ANKRD44: variants seen among roughly 807,000 people sequenced by gnomAD.
The protein encoded by ANKRD44 is ankyrin repeat domain 44.
In ANKRD44, 35 loss-of-function variants were observed where a neutral mutation model predicts 116.0. The ratio of observed to expected loss-of-function variants is 0.30; its 90% CI spans 0.23 to 0.40. The LOEUF (loss-of-function observed/expected upper bound fraction) is 0.40. Among genes scored for constraint, ANKRD44 ranks in the 10% least tolerant of loss-of-function variants. The pLI, the probability that ANKRD44 is intolerant of heterozygous loss-of-function variation, is 1.00. For missense variants in ANKRD44, 1,014 were observed against 1,242.6 expected, an observed-to-expected ratio of 0.82 and a Z score of 2.77; for synonymous variants, 435 against 461.8, an observed-to-expected ratio of 0.94 and a Z score of 0.74.
intron 17 of ANKRD44, among the ~76,000 whole-genome samples, chr2:197,019,073 TG>T (rs2076446149): frequency 6.6e-6 from 1 of 152,210 alleles, no homozygotes; most frequent in Non-Finnish European, 1.5e-5. Flanking sequence ...CTTGTCTCTA[TG>T]TGGAATAGAG....
Position 197,088,738 on chromosome 2 carries a change from G to T in ANKRD44, c.1220C>A (p.Thr407Lys), listed in dbSNP as rs1384342605. 5 of 1,612,248 alleles carry T rather than the reference G, an allele frequency of 3.1e-6. No homozygotes were observed. Among genetic ancestry groups the T allele is most frequent in the African/African-American group, 1.3e-5 (1 of 74,880 alleles). Residue 407 changes from threonine (T) to lysine (K), a missense_variant, in exon 12 of 28, where the codon ACG (threonine) becomes AAG (lysine). Transcript: ENST00000282272. Reference protein sequence around the residue: ...EIDTPDKFGRTCLHAAAAGGN... With the variant: ...EIDTPDKFGRKCLHAAAAGGN... Reference sequence around the variant, plus strand: ...TCCTGCAGCAGCAGCATGAAGGCACGTTCTTCCAAATTTATCTGGGGTGTC... The same window carrying T: ...TCCTGCAGCAGCAGCATGAAGGCACTTTCTTCCAAATTTATCTGGGGTGTC...
chr2:197,140,046 A>AT (rs1399918822), intron 3 of ANKRD44, among the ~76,000 whole-genome samples: 51 of 148,824 alleles, frequency 3.4e-4, no homozygotes, highest in Non-Finnish European at 4.2e-4. Flanking sequence ...TGCCCACCTA[A>AT]TTTTTTTTAT....
chr2:197,244,015 C>T (rs539718687), intron 1 of ANKRD44, among the ~76,000 whole-genome samples: 1 of 152,276 alleles, frequency 6.6e-6, no homozygotes, highest in South Asian at 2.1e-4. Flanking sequence ...CCCAGGAATG[C>T]AAACATAAGA....
At chr2:197,066,188 C>A (rs1446748618) in intron 16 of ANKRD44, among the ~76,000 whole-genome samples, 1 of 152,134 alleles carries the variant, frequency 6.6e-6, no homozygotes, top group East Asian at 1.9e-4. Flanking sequence ...AAGACAAAAA[C>A]CACATGATTA....
chr2:197,071,627 G>A lies in ANKRD44; in HGVS notation c.1650+7076C>T, dbSNP rs72924655. ...ATGGTTCAAGATATTGCTTATCTTT[G>A]TGAATGTTCATGGGCACTTGAACTA... On this transcript the variant is annotated intron_variant, in intron 16 of 27. Transcript: ENST00000282272. Among the ~76,000 whole-genome samples, 853 of 152,198 alleles carry A rather than the reference G, an allele frequency of 5.6e-3. 6 individuals carry two copies. Among genetic ancestry groups the A allele is most frequent in the Non-Finnish European group, 9.7e-3 (662 of 67,990 alleles).
In ANKRD44 at chr2:196,967,525, A is replaced by G. The variant is rs564678539; in HGVS notation, c.2369-79T>C. On this transcript the variant is annotated intron_variant, in intron 21 of 21. Transcript: ENST00000424317. ...ATTGTTGCATTTTTCGGTAAAAAAG[A>G]AAGTGCAATTATGTTAATTTTCTCA... is the stretch of plus-strand genomic sequence containing the variant. The G allele has an allele frequency of 9.3e-6, 4 of 429,762 alleles. No individual in the cohort carries two copies. In the East Asian group the frequency reaches 2.2e-4, roughly 23 times the overall value. 26.6% of individuals were successfully genotyped at this position (429,762 alleles called of 1,614,324 possible). A position where few individuals can be genotyped will look rare whatever the true frequency, so the allele number is the denominator to read the frequency against.
Position 197,007,827 on chromosome 2 carries a change from T to A in ANKRD44, c.2109A>T (p.Gly703=). The change falls in exon 20 of 28, where the codon GGA becomes GGT. Residue 703 remains glycine, a synonymous_variant. Coordinates refer to ENST00000282272, the MANE Select transcript of ANKRD44 (RefSeq NM_001195144.2). ...ATACCCCTCTGTGTAAAGCTGTGCATCCTAGGATGTCAACAGTGTCTACGT... is the reference window on the plus strand; with the variant it reads ...ATACCCCTCTGTGTAAAGCTGTGCAACCTAGGATGTCAACAGTGTCTACGT... ...EANVDTVDIL[G]CTALHRGIMT... 6.2e-7 allele frequency: 1 copy of A among 1,613,302 alleles called. No homozygotes were observed. The highest frequency in any genetic ancestry group is 8.5e-7 in the Non-Finnish European group (1 of 1,179,380).
chr2:197,068,821 G>A (rs1471160506), intron 16 of ANKRD44, among the ~76,000 whole-genome samples: 2 of 152,186 alleles, frequency 1.3e-5, no homozygotes, highest in African/African-American at 2.4e-5. Flanking sequence ...AGGATGTGGA[G>A]AAATAAGAAC....
chr2:197,306,701 C>T (rs1464429116), intron 1 of ANKRD44, among the ~76,000 whole-genome samples: 1 of 152,170 alleles, frequency 6.6e-6, no homozygotes, highest in Admixed American at 6.5e-5. Flanking sequence ...CAAGGCCCCA[C>T]ACTATGGGCT....
At chr2:197,121,583 G>C (rs1416791255) in intron 7 of ANKRD44, 39 bp from the exon 8 acceptor site, 4 of 1,560,668 alleles carry the variant, frequency 2.6e-6, no homozygotes, top group Non-Finnish European at 2.6e-6. Flanking sequence ...AAAGTCATTA[G>C]AGCCAGTTTA....
At position 197,248,576 on chromosome 2, in the gene ANKRD44, G is replaced by GTATATATATATATATATATATA. The variant is rs1318550760; in HGVS notation, c.28-61471_28-61470insTATATATATATATATATATATA. 5.2e-4 allele frequency among the ~76,000 whole-genome samples: 58 copies of GTATATATATATATATATATATA among 110,504 alleles called. 1 individual carries two copies. Among genetic ancestry groups the GTATATATATATATATATATATA allele is most frequent in the African/African-American group, 1.7e-3 (57 of 32,868 alleles). 72.5% of individuals were successfully genotyped at this position (110,504 alleles called of 152,430 possible). ...TATATGTGTGTGTGTGTGTGTGTGT[G>GTATATATATATATATATATATA]TGTATATATATATATAAAGAGAGAG... On this transcript the variant is annotated intron_variant, in intron 1 of 27. Coordinates refer to ENST00000282272, the MANE Select transcript of ANKRD44 (RefSeq NM_001195144.2).
intron 18 of ANKRD44, among the ~76,000 whole-genome samples, chr2:197,011,871 G>A (rs1171788447): frequency 2.6e-5 from 4 of 152,046 alleles, no homozygotes; most frequent in African/African-American, 7.2e-5. Flanking sequence ...TTGCCTTCTA[G>A]CAAAAAGATG....
intron 21 of ANKRD44, among the ~76,000 whole-genome samples, chr2:196,977,675 T>C (rs1468910482): frequency 6.6e-6 from 1 of 152,234 alleles, no homozygotes; most frequent in African/African-American, 2.4e-5. Context: ...AGGATGGCCA[T>C]AATAAAAATA....
chr2:197,173,301 A>G (rs958021412), intron 2 of ANKRD44, among the ~76,000 whole-genome samples: 1 of 152,196 alleles, frequency 6.6e-6, no homozygotes, highest in Non-Finnish European at 1.5e-5. Flanking sequence ...GACACCTACA[A>G]TTATATCACA....
intron 1 of ANKRD44, among the ~76,000 whole-genome samples, chr2:197,241,405 A>C (rs950136360): frequency 6.6e-6 from 1 of 152,164 alleles, no homozygotes. Context: ...CAGTAAATAG[A>C]TTTTCTACTT....
At chr2:196,994,896 A>T (rs1456697258) in intron 26 of ANKRD44, 4 of 152,710 alleles carry the variant, frequency 2.6e-5, no homozygotes, top group Non-Finnish European at 5.9e-5. Flanking sequence ...GCGGAAAATG[A>T]AACAGCTTTT....
intron 4 of ANKRD44, among the ~76,000 whole-genome samples, chr2:197,131,399 G>C (rs1167546161): frequency 6.6e-6 from 1 of 151,900 alleles, no homozygotes; most frequent in Non-Finnish European, 1.5e-5. Context: ...CACCATGTTA[G>C]CCAGGATGGT....
chr2:197,148,681 T>C (rs928335418), intron 2 of ANKRD44, among the ~76,000 whole-genome samples: 3 of 152,194 alleles, frequency 2.0e-5, no homozygotes, highest in African/African-American at 7.2e-5. Context: ...GAATTGATCT[T>C]CAAACCAGTC....
At chr2:197,147,759 A>C (rs1341883349) in intron 2 of ANKRD44, 3 of 379,388 alleles carry the variant, frequency 7.9e-6, no homozygotes, top group Non-Finnish European at 1.6e-5. Context: ...TACTAGATAC[A>C]CATGAGATTA....
Sources: gnomAD v4.1 joint callset for allele counts (sites outside exome capture counted in the v4.1 genomes callset) on GRCh38, gnomAD v4.1.1 for gene constraint, MANE v1.5 for transcripts, NCBI Gene and HGNC (gene_info 2026-07-23, HGNC 2026-07-21) for gene names.